Variants in KDM5B observed in about 807,000 individuals in gnomAD.
The protein encoded by KDM5B is lysine demethylase 5B.
Under a neutral mutation model 193.4 loss-of-function variants are expected in KDM5B, and 144 were observed. The ratio of observed to expected loss-of-function variants is 0.74; its 90% CI spans 0.65 to 0.86. The LOEUF is 0.86. Ranked by LOEUF, KDM5B falls within the 40% of genes least tolerant of loss-of-function variation. The pLI is 0.00. For synonymous variants in KDM5B, 668 were observed against 682.6 expected (o/e 0.98, Z 0.33); for missense variants, 1,833 against 1,886.9 (o/e 0.97, Z 0.53).
At position 202,808,336 on chromosome 1, in the gene KDM5B, G is replaced by A. The variant is rs1198262327; in HGVS notation, c.-31C>T. ...CAGGCTGGGCAAGGGCGAGGCGAAGGTGGGCTCCGGGACCGAGGCTGCGAG... is the reference window on the plus strand; with the variant it reads ...CAGGCTGGGCAAGGGCGAGGCGAAGATGGGCTCCGGGACCGAGGCTGCGAG... On this transcript the variant is annotated 5_prime_UTR_variant, in exon 1 of 27. Coordinates refer to ENST00000367265, the MANE Select transcript of KDM5B (RefSeq NM_006618.5). 9.1e-6 allele frequency: 14 copies of A among 1,537,000 alleles called. No homozygotes were observed. Among genetic ancestry groups the A allele is most frequent in the East Asian group, 2.3e-5 (1 of 42,756 alleles).
At chr1:202,766,039 G>A (rs1326189908) in intron 5 of KDM5B, among the ~76,000 whole-genome samples, 1 of 152,176 alleles carries the variant, frequency 6.6e-6, no homozygotes, top group Non-Finnish European at 1.5e-5. Context: ...GTGAGACCTT[G>A]TCTTTATTAA....
rs566422472 is a variant in KDM5B at position 202,742,637 on chromosome 1, G to A, written c.2474+18C>T. On this transcript the variant is annotated intron_variant, in intron 17 of 26. Coordinates refer to ENST00000367265, the MANE Select transcript of KDM5B (RefSeq NM_006618.5). The stretch of plus-strand genomic sequence containing the variant: ...TAGGTGCCAAAGAATCCAAACTCAC[G>A]CAGTCAGAAGCGCATACCTAGTTTG... The A allele has an allele frequency of 1.4e-5, 22 of 1,612,230 alleles. No individual in the cohort carries two copies. In the South Asian group the frequency reaches 1.4e-4, roughly 10 times the overall value.
At chr1:202,746,050 T>G (rs1655542030) in intron 15 of KDM5B, 68 bp from the exon 16 acceptor site, 3 of 1,596,940 alleles carry the variant, frequency 1.9e-6, no homozygotes, top group Non-Finnish European at 1.7e-6. Context: ...TGTTTTATAC[T>G]TAACATTTCA....
At chr1:202,730,819 A>G in intron 25 of KDM5B, 90 bp downstream of exon 25, 1 of 1,335,286 alleles carries the variant, frequency 7.5e-7, no homozygotes, top group Non-Finnish European at 1.0e-6. Context: ...CAGTCCTCAC[A>G]CCAGCTGTCT....
intron 11 of KDM5B, among the ~76,000 whole-genome samples, chr1:202,753,338 AT>A (rs1265208768): frequency 1.3e-5 from 2 of 152,096 alleles, no homozygotes. Context: ...TCTATTAAAA[AT>A]ACAAAATTAG....
intron 4 of KDM5B, among the ~76,000 whole-genome samples, chr1:202,770,815 T>C (rs1034900032): frequency 6.6e-6 from 1 of 152,236 alleles, no homozygotes; most frequent in African/African-American, 2.4e-5. Flanking sequence ...CATACTTTCC[T>C]ATGTTTTTAA....
At chr1:202,749,611 C>CTGGGCCT (rs1553353480) in intron 13 of KDM5B, among the ~76,000 whole-genome samples, 5 of 151,180 alleles carry the variant, frequency 3.3e-5, no homozygotes, top group Admixed American at 2.6e-4. Flanking sequence ...AGCCTAGGCC[C>CTGGGCCT]TATTTATCTT....
intron 1 of KDM5B, among the ~76,000 whole-genome samples, chr1:202,777,859 A>T (rs555036974): frequency 6.6e-5 from 10 of 152,058 alleles, no homozygotes; most frequent in African/African-American, 2.4e-4. Context: ...GGGGAGAAAA[A>T]CTGACATCCA....
Position 202,740,829 on chromosome 1 carries a change from AAGACTTCTT to A in KDM5B, c.2946-26_2946-18del. On this transcript the variant is annotated intron_variant, in intron 19 of 26. Coordinates refer to ENST00000367265, the MANE Select transcript of KDM5B (RefSeq NM_006618.5). Reference sequence around the variant, plus strand: ...TGTCGTGGCCTACAAAATGCAAACAAAGACTTCTTAGCATTTTATATGATGGTTCATTTT... The same window carrying A: ...TGTCGTGGCCTACAAAATGCAAACAAAGCATTTTATATGATGGTTCATTTT... The A allele has an allele frequency of 6.3e-7, 1 of 1,597,550 alleles. No homozygotes were observed. Among genetic ancestry groups the A allele is most frequent in the Non-Finnish European group, 8.5e-7 (1 of 1,169,726 alleles).
rs1654624879 is a variant in KDM5B, at chr1:202,724,931, CTT to C, written c.*4103_*4104del. 6.6e-6 allele frequency: 1 copy of C among 152,198 alleles called. No homozygotes were observed. The highest frequency in any genetic ancestry group is 2.4e-5 in the African/African-American group (1 of 41,460). 9.4% of individuals were successfully genotyped at this position (152,198 alleles called of 1,614,324 possible). On this transcript the variant is annotated 3_prime_UTR_variant, in exon 27 of 27. Coordinates refer to ENST00000367265, the MANE Select transcript of KDM5B (RefSeq NM_006618.5). ...CATTTATTTTAAATAGAGAAAATAA[CTT>C]TTGTTTCCTCAGAAAGGCAACTTTT...
chr1:202,784,696 G>A (rs1572765329), intron 1 of KDM5B, among the ~76,000 whole-genome samples: 1 of 152,116 alleles, frequency 6.6e-6, no homozygotes, highest in African/African-American at 2.4e-5. Context: ...GCCACTCACT[G>A]ATAGGTGTCT....
At chr1:202,756,281 G>A (rs1656007241) in intron 10 of KDM5B, 77 bp downstream of exon 10, 1 of 1,216,608 alleles carries the variant, frequency 8.2e-7, no homozygotes, top group African/African-American at 1.5e-5. Flanking sequence ...TTTGCTAAAA[G>A]TAATCATAAG....
chr1:202,734,297 TAA>T (rs35019533), intron 22 of KDM5B, among the ~76,000 whole-genome samples: 5 of 102,542 alleles, frequency 4.9e-5, no homozygotes, highest in Admixed American at 1.3e-4. Flanking sequence ...TTATCTCTAT[TAA>T]AAAAAAAAAA....
intron 20 of KDM5B, among the ~76,000 whole-genome samples, chr1:202,739,629 C>T (rs1655229235): frequency 1.3e-5 from 2 of 152,108 alleles, no homozygotes; most frequent in Admixed American, 6.5e-5. Context: ...CGGCCTTCGG[C>T]AGTGTTTGTG....
At chr1:202,767,712 T>C (rs1656532636) in intron 4 of KDM5B, among the ~76,000 whole-genome samples, 1 of 152,160 alleles carries the variant, frequency 6.6e-6, no homozygotes, top group Non-Finnish European at 1.5e-5. Context: ...AAAAAAAATT[T>C]TAACAGGTGG....
At chr1:202,762,912 G>C in intron 6 of KDM5B, 104 bp from the exon 7 acceptor site, 1 of 698,722 alleles carries the variant, frequency 1.4e-6, no homozygotes, top group East Asian at 2.5e-5. Context: ...TTTCATGTGT[G>C]TTTTCACATT....
intron 4 of KDM5B, among the ~76,000 whole-genome samples, chr1:202,769,996 G>A (rs751916713): frequency 7.2e-5 from 11 of 152,230 alleles, no homozygotes; most frequent in Non-Finnish European, 1.0e-4. Context: ...TGCTATATAC[G>A]TGGTTCCTAT....
chr1:202,803,385 GT>G (rs1353084792), intron 1 of KDM5B, among the ~76,000 whole-genome samples: 2 of 152,086 alleles, frequency 1.3e-5, no homozygotes, highest in African/African-American at 4.8e-5. Context: ...AAGTCTACAC[GT>G]TTTGTTTATT....
chr1:202,803,862 G>A (rs1311986696), intron 1 of KDM5B, among the ~76,000 whole-genome samples: 1 of 146,458 alleles, frequency 6.8e-6, no homozygotes, highest in Non-Finnish European at 1.5e-5. Context: ...AGAACTGTAG[G>A]ACTTAATCCA....
Sources: allele counts gnomAD v4.1 joint callset (sites outside exome capture counted in the v4.1 genomes callset), GRCh38; gene constraint gnomAD v4.1.1; transcripts MANE v1.5; gene names NCBI Gene and HGNC (gene_info 2026-07-23, HGNC 2026-07-21).